TULP4: variants seen among roughly 807,000 people sequenced by gnomAD.
TULP4 encodes TUB like protein 4.
TULP4 carries 16 observed loss-of-function variants against 129.0 expected under a neutral mutation model. The observed-to-expected ratio is 0.12, with a 90% CI of 0.08 to 0.19. TULP4 has a LOEUF of 0.19. Among genes scored for constraint, TULP4 ranks in the 10% least tolerant of loss-of-function variants. TULP4 has a pLI of 1.00. For missense variants in TULP4, 1,842 were observed against 2,059.1 expected, an observed-to-expected ratio of 0.89 and a Z score of 2.04; for synonymous variants, 998 against 854.0, an observed-to-expected ratio of 1.17 and a Z score of -2.94.
At chr6:158,371,571 C>A (rs1377743708) in intron 1 of TULP4, among the ~76,000 whole-genome samples, 1 of 152,146 alleles carries the variant, frequency 6.6e-6, no homozygotes, top group Admixed American at 6.5e-5. Context: ...GGTGAGAAGT[C>A]CACCTCACAT....
At chr6:158,320,620 C>T (rs1056238952) in intron 1 of TULP4, among the ~76,000 whole-genome samples, 2 of 151,930 alleles carry the variant, frequency 1.3e-5, no homozygotes, top group Non-Finnish European at 1.5e-5. Context: ...TTAGTAGAAA[C>T]GGGATTTTGC....
chr6:158,494,046 G>A (rs1026521277), intron 10 of TULP4, among the ~76,000 whole-genome samples: 3 of 152,102 alleles, frequency 2.0e-5, no homozygotes, highest in Admixed American at 2.0e-4. Context: ...AGCCACACCT[G>A]GTTCTCACCT....
chr6:158,299,717 C>T (rs949117104), intron 1 of TULP4, among the ~76,000 whole-genome samples: 6 of 152,092 alleles, frequency 3.9e-5, no homozygotes, highest in Non-Finnish European at 7.4e-5. Context: ...CACACGATAT[C>T]GTTAGCATAG....
intron 13 of TULP4, 124 bp from the exon 14 acceptor site, chr6:158,506,454 A>C (rs1257007278): frequency 1.4e-6 from 1 of 734,720 alleles, no homozygotes; most frequent in African/African-American, 1.7e-5. Flanking sequence ...GGTGGTCTCT[A>C]TCTCCTGACG....
intron 1 of TULP4, among the ~76,000 whole-genome samples, chr6:158,268,336 G>A (rs1050005148): frequency 6.6e-6 from 1 of 152,242 alleles, no homozygotes; most frequent in Non-Finnish European, 1.5e-5. Flanking sequence ...ACTGCACCCG[G>A]CCTTGTTTGA....
At chr6:158,344,223 G>T (rs1780250406) in intron 1 of TULP4, among the ~76,000 whole-genome samples, 1 of 152,210 alleles carries the variant, frequency 6.6e-6, no homozygotes, top group Non-Finnish European at 1.5e-5. Flanking sequence ...AAGAACTAAT[G>T]ATAATGCCAC....
At chr6:158,267,615 G>C (rs944842996) in intron 1 of TULP4, among the ~76,000 whole-genome samples, 3 of 152,146 alleles carry the variant, frequency 2.0e-5, no homozygotes, top group African/African-American at 7.2e-5. Flanking sequence ...CAAATAATTA[G>C]GAGGGTCACT....
At chr6:158,315,781 A>T (rs1266058959) in intron 1 of TULP4, among the ~76,000 whole-genome samples, 1 of 152,138 alleles carries the variant, frequency 6.6e-6, no homozygotes, top group Non-Finnish European at 1.5e-5. Context: ...CATAAATGGC[A>T]CCTCGTTCCT....
rs773367290 is a variant in TULP4, at chr6:158,494,827, G to A, written c.1851G>A (p.Leu617=). The A allele has an allele frequency of 9.3e-6, 15 of 1,613,850 alleles. No homozygotes were observed. The highest frequency in any genetic ancestry group is 1.2e-5 in the Non-Finnish European group (14 of 1,179,934). Residue 617 remains leucine, a synonymous_variant, in exon 11 of 14, where the codon CTG becomes CTA. Coordinates refer to ENST00000367097, the MANE Select transcript of TULP4 (RefSeq NM_020245.5). ...AGATTGTGGGCTTGGCTGCTTTCCT[G>A]CCAACCAACCTCGGTGCAGGTAAAA... ...KFKIVGLAAF[L]PTNLGAVIYK...
intron 6 of TULP4, among the ~76,000 whole-genome samples, chr6:158,462,149 G>T (rs909444917): frequency 3.3e-5 from 5 of 152,164 alleles, no homozygotes; most frequent in African/African-American, 1.2e-4. Context: ...TCCTGCATAC[G>T]TGGGAGTTAA....
intron 3 of TULP4, among the ~76,000 whole-genome samples, chr6:158,435,256 T>G (rs1034970161): frequency 2.0e-5 from 3 of 152,174 alleles, no homozygotes; most frequent in African/African-American, 7.2e-5. Context: ...ATCTTGTGTA[T>G]GTCTTCCAGG....
At chr6:158,328,950 G>A (rs902082704) in intron 1 of TULP4, among the ~76,000 whole-genome samples, 1 of 152,168 alleles carries the variant, frequency 6.6e-6, no homozygotes. Context: ...GGAGGTTTTT[G>A]TCTAGAAGTT....
upstream of TULP4, among the ~76,000 whole-genome samples, chr6:158,308,655 A>G (rs1009447331): frequency 7.4e-6 from 1 of 134,528 alleles, no homozygotes; most frequent in African/African-American, 2.9e-5. Flanking sequence ...TCCCTCTCGG[A>G]CGGGGCGGCT....
At chr6:158,267,055 T>C (rs1778459727) in intron 1 of TULP4, among the ~76,000 whole-genome samples, 1 of 152,242 alleles carries the variant, frequency 6.6e-6, no homozygotes, top group Non-Finnish European at 1.5e-5. Context: ...AGTGGAATCA[T>C]AAAATATTTG....
intron 1 of TULP4, among the ~76,000 whole-genome samples, chr6:158,300,859 A>C (rs944704826): frequency 6.6e-6 from 1 of 152,236 alleles, no homozygotes; most frequent in Admixed American, 6.5e-5. Context: ...GTGGTGGACA[A>C]TAAGCTTAGC....
At chr6:158,403,532 G>A (rs1376555865) in intron 1 of TULP4, among the ~76,000 whole-genome samples, 1 of 152,072 alleles carries the variant, frequency 6.6e-6, no homozygotes, top group East Asian at 1.9e-4. Context: ...TAGAGACGGG[G>A]TTTCTCCATG....
intron 6 of TULP4, among the ~76,000 whole-genome samples, chr6:158,475,182 C>G (rs560830411): frequency 8.5e-5 from 13 of 152,342 alleles, no homozygotes; most frequent in Non-Finnish European, 1.5e-4. Flanking sequence ...AGGGCTGGCC[C>G]GCATCTTTTC....
At chr6:158,361,066 T>A (rs1780776407) in intron 1 of TULP4, among the ~76,000 whole-genome samples, 1 of 152,232 alleles carries the variant, frequency 6.6e-6, no homozygotes, top group Non-Finnish European at 1.5e-5. Context: ...ATTTCTTTTT[T>A]AAAGTGATTG....
intron 5 of TULP4, among the ~76,000 whole-genome samples, chr6:158,454,219 A>G (rs1035249854): frequency 5.3e-5 from 8 of 152,118 alleles, no homozygotes; most frequent in Admixed American, 2.6e-4. Flanking sequence ...AGTTGAGTAC[A>G]TATTTTTTGT....
Sources: allele counts gnomAD v4.1 joint callset (sites outside exome capture counted in the v4.1 genomes callset), GRCh38; gene constraint gnomAD v4.1.1; transcripts MANE v1.5; gene names NCBI Gene and HGNC (gene_info 2026-07-23, HGNC 2026-07-21).